Variants in CDH8 observed in about 807,000 individuals in gnomAD.
CDH8 encodes the protein cadherin 8.
A neutral mutation model predicts 68.1 loss-of-function variants in CDH8; 17 were observed. The observed-to-expected ratio is 0.25, with a 90% CI of 0.17 to 0.37. CDH8 has a LOEUF of 0.37. Ranked by LOEUF, CDH8 falls within the 10% of genes least tolerant of loss-of-function variation. The pLI is 1.00. For synonymous variants in CDH8, 372 were observed against 365.1 expected, an observed-to-expected ratio of 1.02 and a Z score of -0.21; for missense variants, 763 against 999.3, an observed-to-expected ratio of 0.76 and a Z score of 3.19.
intron 2 of CDH8, among the ~76,000 whole-genome samples, chr16:61,990,936 AAG>A (rs1965707229): frequency 6.6e-6 from 1 of 151,672 alleles, no homozygotes; most frequent in Non-Finnish European, 1.5e-5. Flanking sequence ...AAGGAAAAGA[AAG>A]AAACAGAGAG....
At chr16:62,032,736 A>G (rs1268154175) in intron 1 of CDH8, among the ~76,000 whole-genome samples, 1 of 152,226 alleles carries the variant, frequency 6.6e-6, no homozygotes, top group African/African-American at 2.4e-5. Context: ...GGTTGGAAAT[A>G]CGAATTGAAT....
At chr16:62,017,442 A>C (rs1166493004) in intron 2 of CDH8, among the ~76,000 whole-genome samples, 1 of 152,138 alleles carries the variant, frequency 6.6e-6, no homozygotes, top group African/African-American at 2.4e-5. Flanking sequence ...GCATTTTGAG[A>C]AGCCAAGGCC....
At chr16:61,972,181 C>A (rs1047016994) in intron 2 of CDH8, among the ~76,000 whole-genome samples, 12 of 152,108 alleles carry the variant, frequency 7.9e-5, no homozygotes, top group African/African-American at 2.2e-4. Flanking sequence ...AGCTCTCTTG[C>A]CTGCCACCAT....
intron 7 of CDH8, among the ~76,000 whole-genome samples, chr16:61,803,627 C>T (rs1436573185): frequency 6.6e-6 from 1 of 151,528 alleles, no homozygotes. Flanking sequence ...GGAAGATCTA[C>T]CAAGGAAATG....
intron 2 of CDH8, among the ~76,000 whole-genome samples, chr16:61,948,722 C>T (rs964760820): frequency 1.3e-5 from 2 of 152,196 alleles, no homozygotes; most frequent in Non-Finnish European, 2.9e-5. Flanking sequence ...ATGCTAAAGA[C>T]GAGAGTATAT....
chr16:61,789,039 AT>A (rs141662396), intron 8 of CDH8, among the ~76,000 whole-genome samples: 11,524 of 152,046 alleles, frequency 0.076, 527 homozygotes, highest in African/African-American at 0.11. Context: ...CAGTTCTTGA[AT>A]TTTTTTAACC....
At chr16:61,689,854 G>A (rs1226640798) in intron 10 of CDH8, among the ~76,000 whole-genome samples, 1 of 151,746 alleles carries the variant, frequency 6.6e-6, no homozygotes, top group African/African-American at 2.4e-5. Context: ...ATAAAGACTT[G>A]AGTTTTAGAG....
intron 1 of CDH8, among the ~76,000 whole-genome samples, chr16:62,025,936 G>A (rs1902188835): frequency 6.6e-6 from 1 of 151,864 alleles, no homozygotes; most frequent in Admixed American, 6.6e-5. Flanking sequence ...CCAAATTAAA[G>A]TACAGGGAGA....
At chr16:62,024,579 C>T (rs1024624685) in intron 1 of CDH8, among the ~76,000 whole-genome samples, 1 of 152,014 alleles carries the variant, frequency 6.6e-6, no homozygotes, top group Non-Finnish European at 1.5e-5. Context: ...CCTGAACTCA[C>T]CAGAATAAGT....
chr16:61,743,376 T>C (rs1450012842), intron 8 of CDH8: 2 of 156,178 alleles, frequency 1.3e-5, no homozygotes, highest in East Asian at 1.9e-4. Context: ...CGTGGAGTGG[T>C]GAGGGAGGAA....
At chr16:62,017,100 T>C (rs1405167730) in intron 2 of CDH8, among the ~76,000 whole-genome samples, 2 of 152,192 alleles carry the variant, frequency 1.3e-5, no homozygotes, top group Non-Finnish European at 2.9e-5. Flanking sequence ...ATTATGTAGG[T>C]AAATTATTCA....
chr16:62,006,010 C>T (rs772314207), intron 2 of CDH8, among the ~76,000 whole-genome samples: 1 of 152,138 alleles, frequency 6.6e-6, no homozygotes, highest in African/African-American at 2.4e-5. Flanking sequence ...AATCTCAACA[C>T]ACTTTGAATG....
At chr16:62,034,756 C>A (rs1902412264) in intron 1 of CDH8, among the ~76,000 whole-genome samples, 1 of 152,156 alleles carries the variant, frequency 6.6e-6, no homozygotes, top group South Asian at 2.1e-4. Flanking sequence ...TTGAAAGGAC[C>A]TTTCCTCCCT....
chr16:61,702,852 T>TTAATA (rs1249185181), intron 10 of CDH8, among the ~76,000 whole-genome samples: 2 of 152,210 alleles, frequency 1.3e-5, no homozygotes, highest in Non-Finnish European at 2.9e-5. Flanking sequence ...GGCAAGTCAC[T>TTAATA]TACTATAGCT....
At chr16:61,967,177 G>A (rs1597097304) in intron 2 of CDH8, among the ~76,000 whole-genome samples, 1 of 152,304 alleles carries the variant, frequency 6.6e-6, no homozygotes, top group Non-Finnish European at 1.5e-5. Flanking sequence ...CTCCAGATAG[G>A]GGAATAGAGT....
At chr16:62,035,175 C>T (rs1206630096) in intron 1 of CDH8, 1 of 152,218 alleles carries the variant, frequency 6.6e-6, no homozygotes, top group East Asian at 1.9e-4. Context: ...CCTTATGAAC[C>T]TCTTACGTAC....
At chr16:61,685,199 A>T (rs1348095064) in intron 10 of CDH8, among the ~76,000 whole-genome samples, 2 of 151,120 alleles carry the variant, frequency 1.3e-5, no homozygotes, top group Non-Finnish European at 2.9e-5. Flanking sequence ...AAAAAAAAAA[A>T]CCTACAGATT....
intron 10 of CDH8, among the ~76,000 whole-genome samples, chr16:61,707,444 TGTGC>T (rs1964554199): frequency 6.6e-6 from 1 of 152,224 alleles, no homozygotes; most frequent in Admixed American, 6.5e-5. Context: ...CTATAAAGCC[TGTGC>T]TATTATATAT....
intron 2 of CDH8, among the ~76,000 whole-genome samples, chr16:61,959,799 A>G (rs901635192): frequency 6.9e-6 from 1 of 145,936 alleles, no homozygotes; most frequent in Non-Finnish European, 1.5e-5. Context: ...TGGTCATTAT[A>G]CCTTAACAAA....
Sources: allele counts gnomAD v4.1 joint callset (sites outside exome capture counted in the v4.1 genomes callset), GRCh38; gene constraint gnomAD v4.1.1; transcripts MANE v1.5; gene names NCBI Gene and HGNC (gene_info 2026-07-23, HGNC 2026-07-21).